Variants in TXNDC11 observed in about 807,000 individuals in gnomAD.
The protein encoded by TXNDC11 is thioredoxin domain containing 11, also known as thioredoxin domain-containing protein 11.
TXNDC11 carries 68 observed loss-of-function variants against 78.0 expected under a neutral mutation model. The observed-to-expected ratio is 0.87, with a 90% confidence interval of 0.72 to 1.07. The LOEUF is 1.07. TXNDC11 is among the 50% of genes least tolerant of loss of function. The pLI is 0.00. For synonymous variants in TXNDC11, 571 were observed against 495.2 expected (o/e 1.15, Z -2.03); for missense variants, 1,389 against 1,221.8 (o/e 1.14, Z -2.04).
At chr16:11,735,273 T>C (rs2052186201) in intron 2 of TXNDC11, among the ~76,000 whole-genome samples, 1 of 152,194 alleles carries the variant, frequency 6.6e-6, no homozygotes, top group African/African-American at 2.4e-5. Context: ...TTTGTAACTA[T>C]CCCATTCAGT....
intron 7 of TXNDC11, among the ~76,000 whole-genome samples, chr16:11,695,697 A>C (rs1449846972): frequency 1.1e-4 from 16 of 152,124 alleles, no homozygotes; most frequent in Admixed American, 9.8e-4. Context: ...AAACGTTCGT[A>C]ATGATAACGC....
At position 11,679,283 on chromosome 16, in the gene TXNDC11, G is replaced by A. The variant is rs547446400; in HGVS notation, c.2789C>T (p.Thr930Ile). The stretch of plus-strand genomic sequence containing the variant: ...AGGGGAGCTGCCAGGGAGCTGGGGG[G>A]TGGCTGAGGGCTCAGGCTGCTTGGG... ...VHPKQPEPSA[T>I]PQLPGSSPPP... Residue 930 changes from threonine to isoleucine, a missense_variant, in exon 12 of 12, where the codon ACC (threonine) becomes ATC (isoleucine). Transcript: ENST00000283033. The surrounding 1 kb of genome is among the most constrained non-coding windows in gnomAD (Gnocchi z 4.6). 4.3e-6 allele frequency: 7 copies of A among 1,612,890 alleles called. No homozygotes were observed. In the East Asian group the frequency reaches 6.7e-5, roughly 15 times the overall value.
chr16:11,723,416 C>G (rs2051772799), intron 4 of TXNDC11, among the ~76,000 whole-genome samples: 1 of 151,978 alleles, frequency 6.6e-6, no homozygotes, highest in Non-Finnish European at 1.5e-5. Flanking sequence ...GGAACCCTGT[C>G]TCTACTGAAA....
intron 8 of TXNDC11, among the ~76,000 whole-genome samples, chr16:11,688,773 T>G (rs1278432961): frequency 6.6e-6 from 1 of 152,226 alleles, no homozygotes; most frequent in Non-Finnish European, 1.5e-5. Context: ...AGCCACCATC[T>G]TTTCAAGAAA....
chr16:11,739,497 T>G (rs758555079), intron 1 of TXNDC11, among the ~76,000 whole-genome samples: 1 of 151,904 alleles, frequency 6.6e-6, no homozygotes, highest in Non-Finnish European at 1.5e-5. Context: ...CACCTGTGAA[T>G]AGCCACTGCA....
intron 9 of TXNDC11, 42 bp from the exon 10 acceptor site, chr16:11,688,008 G>A (rs1488267902): frequency 4.9e-6 from 7 of 1,420,436 alleles, no homozygotes; most frequent in African/African-American, 1.4e-5. Context: ...ACCGGGAAAT[G>A]GGCTCTTCTT....
chr16:11,701,128 CTTTTTTTTTTT>C (rs397855467), intron 5 of TXNDC11, among the ~76,000 whole-genome samples: 1,299 of 101,676 alleles, frequency 0.013, 27 homozygotes, highest in African/African-American at 0.051. Flanking sequence ...CCAATGTCCT[CTTTTTTTTTTT>C]TTTTTTTTTT....
rs144140175 is a variant in TXNDC11 at position 11,740,491 on chromosome 16, G to A, written c.254+1986C>T. On this transcript the variant is annotated intron_variant, in intron 1 of 11. Transcript: ENST00000283033. Reference sequence around the variant, plus strand: ...CTCAAAGGACTTCTGTATCAATTAAGCCATGCTGTCTCAGAACAAACATTA... The same window carrying A: ...CTCAAAGGACTTCTGTATCAATTAAACCATGCTGTCTCAGAACAAACATTA... 3.8e-3 allele frequency among the ~76,000 whole-genome samples: 579 copies of A among 152,318 alleles called. 2 individuals are homozygous for A. The highest frequency in any genetic ancestry group is 5.9e-3 in the Non-Finnish European group (403 of 68,038).
chr16:11,689,475 G>C (rs1224098408), intron 8 of TXNDC11, among the ~76,000 whole-genome samples: 1 of 152,200 alleles, frequency 6.6e-6, no homozygotes, highest in Non-Finnish European at 1.5e-5. Context: ...CTAGCCTAGA[G>C]ACAGCTGATT....
chr16:11,698,686 G>A (rs1162978516), intron 6 of TXNDC11, among the ~76,000 whole-genome samples: 1 of 152,196 alleles, frequency 6.6e-6, no homozygotes, highest in East Asian at 1.9e-4. Flanking sequence ...AAAGGACCAA[G>A]ACATATCTAA....
chr16:11,720,481 T>C (rs888980152), intron 5 of TXNDC11, among the ~76,000 whole-genome samples: 2 of 150,588 alleles, frequency 1.3e-5, no homozygotes, highest in African/African-American at 4.9e-5. Flanking sequence ...AATGGCGTGA[T>C]CTTGGCTCAC....
chr16:11,692,373 A>G (rs1019448492), intron 7 of TXNDC11: 2 of 329,812 alleles, frequency 6.1e-6, no homozygotes, highest in Middle Eastern at 8.4e-4. Context: ...CAGTTATCAG[A>G]TCAACTGTCT....
At chr16:11,711,019 G>A (rs960820928) in intron 5 of TXNDC11, among the ~76,000 whole-genome samples, 1 of 151,908 alleles carries the variant, frequency 6.6e-6, no homozygotes, top group African/African-American at 2.4e-5. Flanking sequence ...ATCACAGGAC[G>A]TCCAGTGTGC....
chr16:11,738,236 G>C (rs2052285595), intron 1 of TXNDC11, among the ~76,000 whole-genome samples: 1 of 152,224 alleles, frequency 6.6e-6, no homozygotes, highest in Non-Finnish European at 1.5e-5. Flanking sequence ...AGAACAGGCA[G>C]AAGTATCCAA....
At chr16:11,716,594 GTAAGACCTACTA>G (rs2051534098) in intron 5 of TXNDC11, among the ~76,000 whole-genome samples, 1 of 152,130 alleles carries the variant, frequency 6.6e-6, no homozygotes, top group African/African-American at 2.4e-5. Flanking sequence ...TGAGAGATAT[GTAAGACCTACTA>G]TAAAAAATTA....
At chr16:11,742,069 T>G in intron 1 of TXNDC11, 1 of 184,110 alleles carries the variant, frequency 5.4e-6, no homozygotes, top group Non-Finnish European at 1.1e-5. Flanking sequence ...AGTGCGGGAA[T>G]TCTAAAAGGG....
intron 11 of TXNDC11, among the ~76,000 whole-genome samples, chr16:11,682,408 C>T (rs2050445656): frequency 6.6e-6 from 1 of 152,204 alleles, no homozygotes; most frequent in Admixed American, 6.5e-5. Context: ...AGCAAGTGCC[C>T]AGCATGGGGC....
chr16:11,683,296 C>G (rs911788914), intron 11 of TXNDC11, among the ~76,000 whole-genome samples: 2 of 152,258 alleles, frequency 1.3e-5, no homozygotes, highest in Non-Finnish European at 2.9e-5. Flanking sequence ...ACTGATTAGG[C>G]AAGTGTGAAA....
intron 3 of TXNDC11, among the ~76,000 whole-genome samples, chr16:11,732,212 A>C (rs2052076779): frequency 6.6e-6 from 1 of 152,224 alleles, no homozygotes; most frequent in African/African-American, 2.4e-5. Flanking sequence ...CTAAGCAAGC[A>C]AATAGTATAT....
Sources: allele counts gnomAD v4.1 joint callset (sites outside exome capture counted in the v4.1 genomes callset), GRCh38; gene constraint gnomAD v4.1.1; non-coding constraint Gnocchi (gnomAD v3.1); transcripts MANE v1.5; gene names NCBI Gene and HGNC (gene_info 2026-07-23, HGNC 2026-07-21).